The following PTCH1 variants were observed in gnomAD, a reference collection of about 807,000 sequenced individuals.
PTCH1 encodes the protein protein patched homolog 1.
In PTCH1, 14 loss-of-function variants were observed where a neutral mutation model predicts 144.6. That is an observed-to-expected ratio of 0.10 (90% CI 0.06 to 0.15). The LOEUF (loss-of-function observed/expected upper bound fraction) is 0.15. Ranked by LOEUF, PTCH1 falls within the 10% of genes least tolerant of loss-of-function variation. The pLI is 1.00. For synonymous variants in PTCH1, 833 were observed against 793.6 expected (o/e 1.05, Z -0.83); for missense variants, 1,623 against 1,948.3 (o/e 0.83, Z 3.14).
chr9:95,486,652 C>T (rs1026443367), intron 2 of PTCH1, among the ~76,000 whole-genome samples: 3 of 152,266 alleles, frequency 2.0e-5, no homozygotes, highest in Admixed American at 2.0e-4. Context: ...AGCAAGCTGG[C>T]CAGCACGGGG....
At chr9:95,494,456 A>G in intron 2 of PTCH1, 1 of 985,412 alleles carries the variant, frequency 1.0e-6, no homozygotes, top group Non-Finnish European at 1.2e-6. Flanking sequence ...CACCTGAGAC[A>G]GGCCCAAGAA....
At chr9:95,490,457 G>A (rs1292879973) in intron 2 of PTCH1, among the ~76,000 whole-genome samples, 1 of 150,268 alleles carries the variant, frequency 6.7e-6, no homozygotes, top group African/African-American at 2.5e-5. Context: ...CTCCAGCCTG[G>A]GCAATAGAAT....
At chr9:95,474,073 T>A in intron 12 of PTCH1, 1 of 502,838 alleles carries the variant, frequency 2.0e-6, no homozygotes, top group South Asian at 1.5e-5. Flanking sequence ...AAACCTCATG[T>A]AGCTTTTCAG....
intron 2 of PTCH1, chr9:95,494,795 CCAA>C (rs757057340): frequency 1.0e-4 from 16 of 152,536 alleles, no homozygotes; most frequent in East Asian, 3.9e-4. Context: ...AGAAAGAAAC[CCAA>C]CAACAACAAC....
At chr9:95,516,557 C>T in exon 1 of PTCH1, 1 of 1,547,400 alleles carries the variant, frequency 6.5e-7, no homozygotes, top group Non-Finnish European at 8.7e-7. Flanking sequence ...TTTTTTTTCC[C>T]TGGCCCCCCT....
chr9:95,509,332 C>T (rs933674992), upstream of PTCH1, among the ~76,000 whole-genome samples: 1 of 152,208 alleles, frequency 6.6e-6, no homozygotes, highest in Non-Finnish European at 1.5e-5. Context: ...TGTCAGATGG[C>T]TTGGGTTTCT....
In PTCH1 at chr9:95,481,801, C is replaced by A; in HGVS notation, c.746+148G>T. The A allele has an allele frequency of 7.8e-6, 6 of 772,370 alleles. No individual in the cohort carries two copies. In the South Asian group the frequency reaches 9.3e-5, roughly 12 times the overall value. The allele number at this position is 772,370 out of a possible 1,614,324, so 47.8% of individuals were successfully genotyped here. ...ACATTCTGCTGAAATCCCCTCTCCC[C>A]CGACTATTCACTCAAAAAATGCACA... On this transcript the variant is annotated intron_variant, in intron 5 of 23. Coordinates refer to ENST00000331920, the MANE Select transcript of PTCH1 (RefSeq NM_000264.5).
chr9:95,451,054 G>C (rs1838416358), intron 20 of PTCH1: 1 of 152,206 alleles, frequency 6.6e-6, no homozygotes, highest in East Asian at 1.9e-4. Flanking sequence ...TCATAAAATG[G>C]AACAGGCAAC....
intron 12 of PTCH1, 79 bp from the exon 13 acceptor site, chr9:95,470,010 T>C (rs933739267): frequency 6.6e-6 from 7 of 1,056,608 alleles, no homozygotes; most frequent in Non-Finnish European, 1.0e-5. Context: ...TAAAGATGCT[T>C]TTAAACAATA....
At chr9:95,450,818 C>T (rs948092018) in intron 20 of PTCH1, 3 of 152,286 alleles carry the variant, frequency 2.0e-5, no homozygotes, top group Non-Finnish European at 4.4e-5. Context: ...CCATTGAGGG[C>T]TAAGGTCTGG....
In PTCH1 at chr9:95,447,296, T is replaced by C. The variant is rs371761874; in HGVS notation, c.3960A>G (p.Arg1320=). The C allele has an allele frequency of 7.4e-6, 12 of 1,612,904 alleles. No individual in the cohort carries two copies. Among genetic ancestry groups the C allele is most frequent in the Middle Eastern group, 1.7e-4 (1 of 6,058 alleles). ...GLWPPPYRPR[R]DAFEISTEGH... ...CTTCAGTAGAAATTTCAAAAGCGTC[T>C]CTGCGCGGTCTGTAGGGGGGTGGCC... Residue 1320 remains arginine, a synonymous_variant, in exon 23 of 24, where the codon AGA becomes AGG. Coordinates refer to ENST00000331920, the MANE Select transcript of PTCH1 (RefSeq NM_000264.5).
At position 95,460,356 on chromosome 9, in the gene PTCH1, G is replaced by A. The variant is rs367867078; in HGVS notation, c.2704-573C>T. Among the ~76,000 whole-genome samples, 45 of 152,312 alleles carry A rather than the reference G, an allele frequency of 3.0e-4. No individual in the cohort carries two copies. In the South Asian group the frequency reaches 8.9e-3, roughly 30 times the overall value. ...CCAGGTGATCTTATTCCCGGAGGTC[G>A]TAGTACTCCGCACGCCGCGTCCTCT... On this transcript the variant is annotated intron_variant, in intron 16 of 23. Transcript: ENST00000331920.
chr9:95,453,005 G>C (rs754974466), intron 20 of PTCH1: 1 of 277,846 alleles, frequency 3.6e-6, no homozygotes, highest in Non-Finnish European at 7.0e-6. Flanking sequence ...CTCTAGAAGA[G>C]AGCTTGTCTT....
chr9:95,473,265 G>T (rs186285503), intron 12 of PTCH1, among the ~76,000 whole-genome samples: 69 of 152,328 alleles, frequency 4.5e-4, no homozygotes, highest in African/African-American at 1.6e-3. Flanking sequence ...AAAATTGGAG[G>T]AGTTTTATAT....
intron 3 of PTCH1, among the ~76,000 whole-genome samples, chr9:95,485,440 T>C (rs1841887129): frequency 6.6e-6 from 1 of 152,194 alleles, no homozygotes; most frequent in South Asian, 2.1e-4. Flanking sequence ...GTCATCCTCT[T>C]TTGGGGACAG....
chr9:95,446,945 G>C lies in PTCH1; in HGVS notation c.4311C>G (p.Cys1437Trp), dbSNP rs368571026. ...VEVIELQDVE[C>W]EERPRGSSSN ...AGCTGCTTCCCCGGGGCCTCTCCTC[G>C]CATTCCACGTCCTGCAGCTCAATGA... Residue 1437 changes from cysteine (C) to tryptophan (W), a missense_variant, in exon 23 of 24, where the codon TGC becomes TGG. This residue lies in a region of PTCH1 where 291 missense variants were observed against 287.4 expected (regional missense o/e 1.01). Transcript: ENST00000331920. 6.2e-7 allele frequency: 1 copy of C among 1,613,966 alleles called. No individual in the cohort carries two copies. The highest frequency in any genetic ancestry group is 8.5e-7 in the Non-Finnish European group (1 of 1,180,028).
Position 95,456,378 on chromosome 9 carries a change from G to C in PTCH1, c.3204C>G (p.Phe1068Leu), listed in dbSNP as rs762419846. 7 of 1,614,024 alleles carry C rather than the reference G, an allele frequency of 4.3e-6. No individual in the cohort carries two copies. Among genetic ancestry groups the C allele is most frequent in the Non-Finnish European group, 5.9e-6 (7 of 1,180,030 alleles). The change falls in exon 19 of 24, where the codon TTC (phenylalanine) becomes TTG (leucine). Residue 1068 changes from phenylalanine to leucine, a missense_variant. Phe to Leu is a conservative substitution (Grantham distance 22). Around this residue, in one of 7 missense-constraint regions of PTCH1, gnomAD observed 504 missense variants for 679.3 expected, o/e 0.74. Transcript: ENST00000331920. ...MVLALMTVEL[F>L]GMMGLIGIKL... ...TGATTCCGATGAGGCCCATCATGCC[G>C]AACAGCTCGACCGTCATCAGCGCCA...
rs1167764884 is a variant in PTCH1, at chr9:95,443,899, A to G, written c.*2494T>C. 6.6e-6 allele frequency: 1 copy of G among 152,636 alleles called. No individual in the cohort carries two copies. Among genetic ancestry groups the G allele is most frequent in the Non-Finnish European group, 1.5e-5 (1 of 68,030 alleles). 9.5% of individuals were successfully genotyped at this position (152,636 alleles called of 1,614,324 possible). On this transcript the variant is annotated 3_prime_UTR_variant, in exon 24 of 24. Transcript: ENST00000331920. ...ACTCCTTACCCTAAAACCTACCATG[A>G]GTCCTTAATGTAAATGTTATATACT...
chr9:95,454,908 C>G (rs1838781888), intron 19 of PTCH1, among the ~76,000 whole-genome samples: 1 of 152,234 alleles, frequency 6.6e-6, no homozygotes, highest in Non-Finnish European at 1.5e-5. Flanking sequence ...TGGTAAAAAT[C>G]TGCTCTGGGA....
Sources: gnomAD v4.1 joint callset for allele counts (sites outside exome capture counted in the v4.1 genomes callset) on GRCh38, gnomAD v4.1.1 for gene constraint, gnomAD v4.1.1 regional missense constraint, MANE v1.5 for transcripts, NCBI Gene and HGNC (gene_info 2026-07-23, HGNC 2026-07-21) for gene names.